Variants in ADAMTSL1 observed in about 807,000 individuals in gnomAD.
ADAMTSL1 encodes the protein ADAMTS-like protein 1.
In ADAMTSL1, 126 loss-of-function variants were observed where a neutral mutation model predicts 201.8. The ratio of observed to expected loss-of-function variants is 0.62; its 90% CI spans 0.54 to 0.72. The LOEUF (loss-of-function observed/expected upper bound fraction) is 0.72. Among genes scored for constraint, ADAMTSL1 ranks in the 30% least tolerant of loss-of-function variants. The pLI is 0.00. For missense variants in ADAMTSL1, 2,679 were observed against 2,277.8 expected, an observed-to-expected ratio of 1.18 and a Z score of -3.59; for synonymous variants, 1,121 against 903.4, an observed-to-expected ratio of 1.24 and a Z score of -4.32.
chr9:18,600,990 T>C (rs1824611900), intron 4 of ADAMTSL1, among the ~76,000 whole-genome samples: 1 of 152,196 alleles, frequency 6.6e-6, no homozygotes, highest in South Asian at 2.1e-4. Context: ...TTCCTATTGG[T>C]TTCCTTCAGC....
chr9:18,686,212 C>T (rs374234057), intron 13 of ADAMTSL1, among the ~76,000 whole-genome samples: 97 of 152,270 alleles, frequency 6.4e-4, no homozygotes, highest in Admixed American at 1.4e-3. Context: ...TGAGCCACAG[C>T]GCCTGGCCCG....
At chr9:17,995,453 A>G (rs1819331464) in intron 1 of ADAMTSL1, among the ~76,000 whole-genome samples, 1 of 152,168 alleles carries the variant, frequency 6.6e-6, no homozygotes, top group Non-Finnish European at 1.5e-5. Context: ...TAAAGTTATA[A>G]TGAACTGAAA....
chr9:18,398,236 G>A (rs113951895), intron 2 of ADAMTSL1, among the ~76,000 whole-genome samples: 4 of 152,194 alleles, frequency 2.6e-5, no homozygotes, highest in South Asian at 2.1e-4. Context: ...ACATATGTGC[G>A]GTTGAATTAC....
intron 2 of ADAMTSL1, among the ~76,000 whole-genome samples, chr9:18,267,263 G>C (rs1348382178): frequency 6.6e-6 from 1 of 152,064 alleles, no homozygotes; most frequent in East Asian, 1.9e-4. Context: ...GTCATGCAAC[G>C]ATTTCTTACT....
chr9:18,502,615 C>A (rs927506036), intron 1 of ADAMTSL1, among the ~76,000 whole-genome samples: 7 of 152,150 alleles, frequency 4.6e-5, no homozygotes, highest in African/African-American at 7.2e-5. Context: ...AAAAACCAGG[C>A]TTTGGAGCTC....
intron 2 of ADAMTSL1, among the ~76,000 whole-genome samples, chr9:18,521,673 T>A (rs1002461401): frequency 6.6e-6 from 1 of 152,142 alleles, no homozygotes; most frequent in Non-Finnish European, 1.5e-5. Context: ...CCTCCTCTTG[T>A]TGGGAGCAAG....
intron 1 of ADAMTSL1, among the ~76,000 whole-genome samples, chr9:18,002,738 CT>C (rs1324023368): frequency 6.6e-6 from 1 of 151,872 alleles, no homozygotes; most frequent in Non-Finnish European, 1.5e-5. Context: ...ATTGTTAGCT[CT>C]TTTATTTTTA....
chr9:18,051,170 G>A (rs1392582485), intron 1 of ADAMTSL1, among the ~76,000 whole-genome samples: 10 of 152,050 alleles, frequency 6.6e-5, no homozygotes, highest in East Asian at 3.9e-4. Context: ...GTGTGGTGGC[G>A]GGCGCCTGTA....
chr9:18,525,346 C>G (rs1445557382), intron 2 of ADAMTSL1, among the ~76,000 whole-genome samples: 1 of 151,872 alleles, frequency 6.6e-6, no homozygotes, highest in Non-Finnish European at 1.5e-5. Flanking sequence ...TTCTTTATTA[C>G]TCTTGCTAGT....
intron 15 of ADAMTSL1, among the ~76,000 whole-genome samples, chr9:18,750,332 C>T (rs1008761176): frequency 6.6e-6 from 1 of 152,128 alleles, no homozygotes; most frequent in African/African-American, 2.4e-5. Context: ...GCTCCTAACA[C>T]AGTGGATTAG....
intron 1 of ADAMTSL1, among the ~76,000 whole-genome samples, chr9:17,963,870 CG>C (rs1223475544): frequency 6.6e-6 from 1 of 152,126 alleles, no homozygotes; most frequent in Non-Finnish European, 1.5e-5. Context: ...TTTTTAAAAA[CG>C]GAATCCTCAG....
intron 1 of ADAMTSL1, among the ~76,000 whole-genome samples, chr9:17,931,390 C>A (rs185451003): frequency 1.3e-5 from 2 of 152,060 alleles, no homozygotes; most frequent in Non-Finnish European, 2.9e-5. Flanking sequence ...GAGGAGCTTT[C>A]GAGATTTTCC....
At chr9:18,780,626 T>A (rs576106725) in intron 19 of ADAMTSL1, among the ~76,000 whole-genome samples, 1 of 152,334 alleles carries the variant, frequency 6.6e-6, no homozygotes, top group Non-Finnish European at 1.5e-5. Flanking sequence ...CCAGAGGCTA[T>A]CATTCTTAAT....
At chr9:18,007,370 A>G (rs766812532) in intron 1 of ADAMTSL1, among the ~76,000 whole-genome samples, 38 of 152,076 alleles carry the variant, frequency 2.5e-4, no homozygotes, top group Admixed American at 2.1e-3. Context: ...GAACAGTTCC[A>G]TGTTTACAGT....
At chr9:18,250,591 C>T (rs1831424279) in intron 2 of ADAMTSL1, among the ~76,000 whole-genome samples, 1 of 152,132 alleles carries the variant, frequency 6.6e-6, no homozygotes, top group African/African-American at 2.4e-5. Flanking sequence ...CCTCAAAGAG[C>T]ATCCTCAGCT....
chr9:18,462,409 G>T (rs919610891), intron 2 of ADAMTSL1, among the ~76,000 whole-genome samples: 1 of 152,156 alleles, frequency 6.6e-6, no homozygotes, highest in African/African-American at 2.4e-5. Flanking sequence ...AAATGGAAAT[G>T]GTTCCTGTCC....
chr9:18,091,637 T>G (rs934784619), intron 1 of ADAMTSL1, among the ~76,000 whole-genome samples: 1 of 152,206 alleles, frequency 6.6e-6, no homozygotes, highest in Non-Finnish European at 1.5e-5. Context: ...TCCTTGTCCA[T>G]GTCACTTAAT....
chr9:18,545,459 C>CT (rs532824739), intron 3 of ADAMTSL1, among the ~76,000 whole-genome samples: 109 of 149,236 alleles, frequency 7.3e-4, no homozygotes, highest in South Asian at 1.9e-3. Flanking sequence ...ACAACATATG[C>CT]TTTTTTTTTT....
chr9:18,031,800 G>T (rs1411247), intron 1 of ADAMTSL1, among the ~76,000 whole-genome samples: 5,826 of 152,238 alleles, frequency 0.038, 214 homozygotes, highest in African/African-American at 0.1. Context: ...CAGGAAACCT[G>T]TAACTCCCCA....
Sources: gnomAD v4.1 joint callset for allele counts (sites outside exome capture counted in the v4.1 genomes callset) on GRCh38, gnomAD v4.1.1 for gene constraint, MANE v1.5 for transcripts, NCBI Gene and HGNC (gene_info 2026-07-23, HGNC 2026-07-21) for gene names.